Variants in BCAS3 observed in about 807,000 individuals in gnomAD.
BCAS3 encodes BCAS4/BCAS3 fusion.
BCAS3 carries 53 observed loss-of-function variants against 116.1 expected under a neutral mutation model. The ratio of observed to expected loss-of-function variants is 0.46; its 90% CI spans 0.37 to 0.57. BCAS3 has a LOEUF of 0.57. BCAS3 is among the 20% of genes least tolerant of loss of function. The pLI is 0.00. For synonymous variants in BCAS3, 391 were observed against 408.2 expected (o/e 0.96, Z 0.51); for missense variants, 917 against 1,165.4 (o/e 0.79, Z 3.10).
At chr17:61,117,794 G>A (rs758255883) in intron 22 of BCAS3, among the ~76,000 whole-genome samples, 5 of 151,914 alleles carry the variant, frequency 3.3e-5, no homozygotes, top group African/African-American at 7.3e-5. Flanking sequence ...GCATAGCCTC[G>A]CCTGTTATCA....
In BCAS3 at chr17:61,021,339, C is replaced by T. The variant is rs2065862180; in HGVS notation, c.1637+5438C>T. 6.6e-6 allele frequency among the ~76,000 whole-genome samples: 1 copy of T among 152,156 alleles called. No homozygotes were observed. ...CCTCCCAAAGTGCTGGGATTATAGG[C>T]ATGAGCAACCGCACCCGGCCATGTT... is the stretch of plus-strand genomic sequence containing the variant. On this transcript the variant is annotated intron_variant, in intron 16 of 23. Transcript: ENST00000407086. This position sits in a 1 kb window ranked among gnomAD's most constrained non-coding sequence, Gnocchi z 4.6.
At chr17:61,016,323 A>G (rs1037078315) in intron 16 of BCAS3, among the ~76,000 whole-genome samples, 13 of 152,248 alleles carry the variant, frequency 8.5e-5, no homozygotes, top group African/African-American at 3.1e-4. Context: ...TGAAAAAATC[A>G]TCTATATTGA....
chr17:60,958,557 G>A (rs1290532732), intron 14 of BCAS3, among the ~76,000 whole-genome samples: 1 of 152,072 alleles, frequency 6.6e-6, no homozygotes, highest in Non-Finnish European at 1.5e-5. Flanking sequence ...CTAAATAAAT[G>A]GAGAATTAAA....
At position 61,118,464 on chromosome 17, in the gene BCAS3, C is replaced by T. The variant is rs1047683991; in HGVS notation, c.2425+33900C>T. Among the ~76,000 whole-genome samples, 15 of 152,284 alleles carry T rather than the reference C, an allele frequency of 9.9e-5. No individual in the cohort carries two copies. Among genetic ancestry groups the T allele is most frequent in the East Asian group, 5.8e-4 (3 of 5,184 alleles). ...CCATTTGTCCTGCACCAAAACTGCA[C>T]GTGTGTGTTAGGAGGTGGTTCTTGT... On this transcript the variant is annotated intron_variant, in intron 22 of 23. Coordinates refer to ENST00000407086, the MANE Select transcript of BCAS3 (RefSeq NM_017679.5). The surrounding 1 kb of genome is among the most constrained non-coding windows in gnomAD (Gnocchi z 5.0).
In BCAS3 at chr17:60,791,203, C is replaced by T. The variant is rs187550607; in HGVS notation, c.404-16801C>T. Reference sequence around the variant, plus strand: ...GTCTGGTGTCTAAGAAATGATAGAACTTGTCTTAACTTAATTTTCAGTCTT... The same window carrying T: ...GTCTGGTGTCTAAGAAATGATAGAATTTGTCTTAACTTAATTTTCAGTCTT... On this transcript the variant is annotated intron_variant, in intron 6 of 23. Transcript: ENST00000407086. Among the ~76,000 whole-genome samples, 6 of 152,294 alleles carry T rather than the reference C, an allele frequency of 3.9e-5. No individual in the cohort carries two copies. In the East Asian group the frequency reaches 1.2e-3, roughly 29 times the overall value.
chr17:60,686,514 A>G (rs1174619946), intron 3 of BCAS3, among the ~76,000 whole-genome samples: 2 of 152,076 alleles, frequency 1.3e-5, no homozygotes, highest in African/African-American at 4.8e-5. Context: ...TTCACTTATG[A>G]AAATTTATTT....
intron 18 of BCAS3, among the ~76,000 whole-genome samples, chr17:61,039,548 G>C (rs922101591): frequency 9.9e-5 from 15 of 151,818 alleles, no homozygotes; most frequent in African/African-American, 3.1e-4. Context: ...TCAGCCTCCT[G>C]AGTAGCTGGG....
chr17:61,133,287 C>T (rs1200842089), intron 22 of BCAS3, among the ~76,000 whole-genome samples: 1 of 152,166 alleles, frequency 6.6e-6, no homozygotes, highest in African/African-American at 2.4e-5. Context: ...TGGGTAAGAA[C>T]TTTCACACAT....
At position 61,162,416 on chromosome 17, in the gene BCAS3, A is replaced by G. The variant is rs775593782; in HGVS notation, c.2425+77852A>G. Among the ~76,000 whole-genome samples the G allele has an allele frequency of 6.6e-6, 1 of 152,206 alleles. No individual in the cohort carries two copies. Among genetic ancestry groups the G allele is most frequent in the African/African-American group, 2.4e-5 (1 of 41,450 alleles). ...GGTTGTTTCATATGCATTTGCCTCT[A>G]CAAGAATATTCTCACACCATAGATA... is the stretch of plus-strand genomic sequence containing the variant. On this transcript the variant is annotated intron_variant, in intron 22 of 23. Coordinates refer to ENST00000407086, the MANE Select transcript of BCAS3 (RefSeq NM_017679.5). The surrounding 1 kb of genome is among the most constrained non-coding windows in gnomAD (Gnocchi z 5.6).
chr17:61,148,923 A>G (rs530086867), intron 22 of BCAS3, among the ~76,000 whole-genome samples: 2 of 152,354 alleles, frequency 1.3e-5, no homozygotes, highest in South Asian at 4.1e-4. Context: ...TCCAGAAAAC[A>G]GTTATTTATG....
chr17:61,338,159 C>T (rs1261949691), intron 22 of BCAS3, among the ~76,000 whole-genome samples: 1 of 152,236 alleles, frequency 6.6e-6, no homozygotes, highest in Non-Finnish European at 1.5e-5. Flanking sequence ...GTGACTGTGT[C>T]ATCCCTGTGG....
At position 60,757,363 on chromosome 17, in the gene BCAS3, T is replaced by TAAAA. The variant is rs779963306; in HGVS notation, c.403+10084_403+10085insAAAA. On this transcript the variant is annotated intron_variant, in intron 6 of 23. Coordinates refer to ENST00000407086, the MANE Select transcript of BCAS3 (RefSeq NM_017679.5). The stretch of plus-strand genomic sequence containing the variant: ...ATAAATAAATAAATAAATAAATAAA[T>TAAAA]GAGTTTCTCTGCATCCTTGCCAGCA... Among the ~76,000 whole-genome samples, 693 of 148,960 alleles carry TAAAA rather than the reference T, an allele frequency of 4.7e-3. 4 individuals carry two copies. Among genetic ancestry groups the TAAAA allele is most frequent in the African/African-American group, 0.017 (658 of 39,790 alleles).
chr17:60,917,123 G>A (rs1373410670), intron 12 of BCAS3, among the ~76,000 whole-genome samples: 1 of 152,162 alleles, frequency 6.6e-6, no homozygotes. Context: ...TTCATCAACT[G>A]ATGAATGGGT....
At chr17:60,831,557 A>G (rs1027083359) in intron 7 of BCAS3, among the ~76,000 whole-genome samples, 6 of 152,194 alleles carry the variant, frequency 3.9e-5, no homozygotes, top group African/African-American at 1.4e-4. Context: ...CTTTTCATTT[A>G]TATAATTTTA....
At chr17:61,043,804 T>G (rs1277884841) in intron 19 of BCAS3, among the ~76,000 whole-genome samples, 1 of 152,034 alleles carries the variant, frequency 6.6e-6, no homozygotes, top group Non-Finnish European at 1.5e-5. Flanking sequence ...AAAATAAAAC[T>G]TCTTAAAATA....
rs554297321 is a variant in BCAS3, at chr17:60,774,098, A to G, written c.403+26819A>G. On this transcript the variant is annotated intron_variant, in intron 6 of 23. Coordinates refer to ENST00000407086, the MANE Select transcript of BCAS3 (RefSeq NM_017679.5). ...TATTTTCTTTCCTTCCTCTGCATGGATTTTAGCTCACTTGATGTCGTTTCA... is the reference window on the plus strand; with the variant it reads ...TATTTTCTTTCCTTCCTCTGCATGGGTTTTAGCTCACTTGATGTCGTTTCA... 1.6e-4 allele frequency among the ~76,000 whole-genome samples: 25 copies of G among 151,966 alleles called. No individual in the cohort carries two copies. The South Asian group carries it at 4.8e-3, about 29-fold the overall frequency.
chr17:61,245,729 C>A (rs1290121706), intron 22 of BCAS3, among the ~76,000 whole-genome samples: 1 of 152,076 alleles, frequency 6.6e-6, no homozygotes, highest in Non-Finnish European at 1.5e-5. Context: ...AGCTATTGGG[C>A]TCTCAGAAAA....
At chr17:60,736,724 A>G (rs572287625) in intron 5 of BCAS3, among the ~76,000 whole-genome samples, 7 of 152,160 alleles carry the variant, frequency 4.6e-5, no homozygotes, top group South Asian at 4.2e-4. Context: ...CAAGTTGTCT[A>G]TTTATTGTTG....
chr17:60,757,858 T>C (rs1473870664), intron 6 of BCAS3, among the ~76,000 whole-genome samples: 5 of 152,154 alleles, frequency 3.3e-5, no homozygotes, highest in African/African-American at 1.2e-4. Context: ...TGAAGTGTTT[T>C]CCATATATAT....
Sources: allele counts gnomAD v4.1 joint callset (sites outside exome capture counted in the v4.1 genomes callset), GRCh38; gene constraint gnomAD v4.1.1; non-coding constraint Gnocchi (gnomAD v3.1); transcripts MANE v1.5; gene names NCBI Gene and HGNC (gene_info 2026-07-23, HGNC 2026-07-21).